The following GRIK2 variants were observed in gnomAD, a reference collection of about 807,000 sequenced individuals.
The protein encoded by GRIK2 is glutamate ionotropic receptor kainate type subunit 2.
Under a neutral mutation model 100.3 loss-of-function variants are expected in GRIK2, and 32 were observed. The ratio of observed to expected loss-of-function variants is 0.32; its 90% CI spans 0.24 to 0.43. The LOEUF (loss-of-function observed/expected upper bound fraction) is 0.43. Among genes scored for constraint, GRIK2 ranks in the 20% least tolerant of loss-of-function variants. GRIK2 has a pLI of 1.00. For missense variants in GRIK2, 843 were observed against 1,114.9 expected (o/e 0.76, Z 3.47); for synonymous variants, 417 against 389.4 (o/e 1.07, Z -0.83).
chr6:101,831,495 G>A (rs2128428231), intron 10 of GRIK2, among the ~76,000 whole-genome samples: 1 of 152,232 alleles, frequency 6.6e-6, no homozygotes, highest in South Asian at 2.1e-4. Flanking sequence ...CAGTGAATAG[G>A]AGGAAATTGA....
intron 2 of GRIK2, among the ~76,000 whole-genome samples, chr6:101,405,531 A>G (rs1775548119): frequency 1.3e-5 from 2 of 152,238 alleles, no homozygotes; most frequent in South Asian, 2.1e-4. Flanking sequence ...TGTCAGTAGT[A>G]GAGAAACCAC....
intron 12 of GRIK2, among the ~76,000 whole-genome samples, chr6:101,905,240 T>C (rs868555829): frequency 6.6e-6 from 1 of 151,552 alleles, no homozygotes; most frequent in Non-Finnish European, 1.5e-5. Context: ...GGTAGCAATT[T>C]TGAATGGCTC....
intron 2 of GRIK2, among the ~76,000 whole-genome samples, chr6:101,558,493 A>G (rs986707750): frequency 1.8e-4 from 27 of 152,138 alleles, no homozygotes; most frequent in African/African-American, 6.0e-4. Context: ...GTTCCCTTGT[A>G]CTATACAAGG....
intron 2 of GRIK2, among the ~76,000 whole-genome samples, chr6:101,577,243 C>T (rs956740557): frequency 6.6e-6 from 1 of 151,236 alleles, no homozygotes; most frequent in Admixed American, 6.6e-5. Flanking sequence ...ATTACTTGAC[C>T]CTTTTTGCAC....
intron 15 of GRIK2, 148 bp from the exon 16 acceptor site, chr6:102,055,182 G>A (rs972007831): frequency 1.4e-5 from 8 of 569,754 alleles, no homozygotes; most frequent in Non-Finnish European, 2.2e-5. Flanking sequence ...ACGTCTATGT[G>A]TTTTTTCCAG....
rs930031983 is a variant in GRIK2, at chr6:101,494,022, T to TTA, written c.115+94639_115+94640dup. 4.5e-5 allele frequency among the ~76,000 whole-genome samples: 4 copies of TTA among 89,082 alleles called. No individual in the cohort carries two copies. The East Asian group carries it at 1.3e-3, about 29-fold the overall frequency. 58.4% of individuals were successfully genotyped at this position (89,082 alleles called of 152,430 possible). On this transcript the variant is annotated intron_variant, in intron 2 of 16. Transcript: ENST00000369134. Reference sequence around the variant, plus strand: ...AAAATGTATATATTATATATAAAAATTATATATATAATTTATTATATAAAA... The same window carrying TTA: ...AAAATGTATATATTATATATAAAAATTATATATATATAATTTATTATATAAAA...
chr6:101,757,397 G>A (rs950452951), intron 7 of GRIK2, among the ~76,000 whole-genome samples: 2 of 152,092 alleles, frequency 1.3e-5, no homozygotes, highest in African/African-American at 2.4e-5. Context: ...TTATTAAAAT[G>A]TAAACAAAAT....
At chr6:101,478,848 C>T (rs952395473) in intron 2 of GRIK2, among the ~76,000 whole-genome samples, 4 of 152,056 alleles carry the variant, frequency 2.6e-5, no homozygotes, top group Non-Finnish European at 4.4e-5. Flanking sequence ...ATCCATTTTG[C>T]CTCATTCCAC....
intron 2 of GRIK2, among the ~76,000 whole-genome samples, chr6:101,605,457 C>T (rs367892458): frequency 5.9e-5 from 9 of 151,792 alleles, no homozygotes; most frequent in South Asian, 2.1e-4. Flanking sequence ...TCCATATTAA[C>T]GCAGGTATTT....
At chr6:101,972,812 C>T (rs1793135616) in intron 14 of GRIK2, among the ~76,000 whole-genome samples, 1 of 151,844 alleles carries the variant, frequency 6.6e-6, no homozygotes, top group South Asian at 2.1e-4. Flanking sequence ...AGTCCCTTTC[C>T]CATGGCTTGT....
At chr6:101,981,927 A>C (rs1371543831) in intron 14 of GRIK2, among the ~76,000 whole-genome samples, 9 of 151,946 alleles carry the variant, frequency 5.9e-5, no homozygotes, top group Non-Finnish European at 1.2e-4. Flanking sequence ...CAAAATGAGA[A>C]AGAAAATCAA....
chr6:101,451,980 T>C (rs1203686034), intron 2 of GRIK2, among the ~76,000 whole-genome samples: 2 of 151,972 alleles, frequency 1.3e-5, no homozygotes, highest in East Asian at 3.9e-4. Flanking sequence ...TCCCAATAAA[T>C]GGCTTTCTTT....
intron 7 of GRIK2, among the ~76,000 whole-genome samples, chr6:101,694,215 A>G (rs1380619534): frequency 1.3e-5 from 2 of 152,130 alleles, no homozygotes; most frequent in Non-Finnish European, 2.9e-5. Flanking sequence ...TGAGGTAACA[A>G]GGCATTGAAC....
At chr6:101,462,504 C>A (rs776114007) in intron 2 of GRIK2, among the ~76,000 whole-genome samples, 1 of 151,816 alleles carries the variant, frequency 6.6e-6, no homozygotes, top group African/African-American at 2.4e-5. Flanking sequence ...TTGGGGGACA[C>A]AATTTCTCTG....
chr6:101,783,128 G>A (rs543484659), intron 7 of GRIK2, among the ~76,000 whole-genome samples: 11 of 152,166 alleles, frequency 7.2e-5, no homozygotes, highest in Admixed American at 1.3e-4. Context: ...AAAGTGCTGG[G>A]ATTACAGGCG....
intron 7 of GRIK2, among the ~76,000 whole-genome samples, chr6:101,695,799 A>G (rs1235990332): frequency 2.0e-5 from 3 of 152,110 alleles, no homozygotes; most frequent in African/African-American, 7.2e-5. Flanking sequence ...CAGAATACTT[A>G]CATTAAGTAA....
chr6:101,595,115 T>G (rs146121228), intron 2 of GRIK2, among the ~76,000 whole-genome samples: 1 of 151,512 alleles, frequency 6.6e-6, no homozygotes, highest in Non-Finnish European at 1.5e-5. Context: ...AAGTTTAGAA[T>G]AGCCACTTTT....
At chr6:101,958,552 C>T (rs1047267914) in intron 14 of GRIK2, among the ~76,000 whole-genome samples, 1 of 151,876 alleles carries the variant, frequency 6.6e-6, no homozygotes, top group South Asian at 2.1e-4. Context: ...GCTAGAAATT[C>T]CAGGACTATG....
chr6:101,924,495 TACTTAA>T, intron 12 of GRIK2, 100 bp from the exon 13 acceptor site: 1 of 682,344 alleles, frequency 1.5e-6, no homozygotes, highest in Non-Finnish European at 2.7e-6. Flanking sequence ...TTCTGCTTTC[TACTTAA>T]ACTTATCTGT....
Sources: allele counts gnomAD v4.1 joint callset (sites outside exome capture counted in the v4.1 genomes callset), GRCh38; gene constraint gnomAD v4.1.1; transcripts MANE v1.5; gene names NCBI Gene and HGNC (gene_info 2026-07-23, HGNC 2026-07-21).